Variants in RGS8 observed in about 807,000 individuals in gnomAD.
RGS8 encodes regulator of G protein signaling 8, also known as regulator of G-protein signaling 8.
Under a neutral mutation model 21.7 loss-of-function variants are expected in RGS8, and 8 were observed. The observed-to-expected ratio is 0.37, with a 90% CI of 0.22 to 0.66. The LOEUF is 0.66. Among genes scored for constraint, RGS8 ranks in the 30% least tolerant of loss-of-function variants. RGS8 has a pLI of 0.59. For synonymous variants in RGS8, 80 were observed against 83.6 expected, an observed-to-expected ratio of 0.96 and a Z score of 0.24; for missense variants, 157 against 217.9, an observed-to-expected ratio of 0.72 and a Z score of 1.76.
the RGS8 span, among the ~76,000 whole-genome samples, chr1:182,700,528 G>C: frequency 1.3e-5 from 2 of 152,290 alleles, no homozygotes; most frequent in South Asian, 2.1e-4. Flanking sequence ...AGACACCCCA[G>C]GTTCAGCCTC....
At chr1:182,671,917 T>TAAAAAA (rs1664183102) in exon 1 of RGS8, 1 of 1,454,822 alleles carries the variant, frequency 6.9e-7, no homozygotes, top group Non-Finnish European at 9.1e-7. Flanking sequence ...TCACATCCAG[T>TAAAAAA]AAATACTGAA....
At chr1:182,694,890 A>G in the RGS8 span, among the ~76,000 whole-genome samples, 2,041 of 152,288 alleles carry the variant, frequency 0.013, 57 homozygotes, top group African/African-American at 0.046. Flanking sequence ...TATGAAACAC[A>G]TAATTGCAGA....
At chr1:182,749,392 A>G in the RGS8 span, among the ~76,000 whole-genome samples, 1 of 152,136 alleles carries the variant, frequency 6.6e-6, no homozygotes, top group Admixed American at 6.6e-5. Flanking sequence ...AATGAGTTGG[A>G]TTTAAATGCA....
chr1:182,646,654 T>A, exon 7 of RGS8: 7 of 1,247,648 alleles, frequency 5.6e-6, no homozygotes, highest in East Asian at 2.5e-5. Flanking sequence ...TTTGAACACC[T>A]ATGACATTTC....
the RGS8 span, among the ~76,000 whole-genome samples, chr1:182,736,591 T>C: frequency 6.6e-6 from 1 of 152,178 alleles, no homozygotes; most frequent in Admixed American, 6.5e-5. Flanking sequence ...CACAAGCCAG[T>C]ATGAGATATG....
At chr1:182,645,925 T>G (rs1662681351), downstream of RGS8, 1 of 152,218 alleles carries the variant, frequency 6.6e-6, no homozygotes, top group Admixed American at 6.5e-5. Flanking sequence ...CCCCTTTGAA[T>G]AGAAGTCTAC....
the RGS8 span, among the ~76,000 whole-genome samples, chr1:182,699,433 CCAGGCCT>C: frequency 1.3e-5 from 2 of 152,234 alleles, no homozygotes; most frequent in Non-Finnish European, 2.9e-5. Flanking sequence ...TTCCCTGGGC[CCAGGCCT>C]CAGTGGCAGG....
At chr1:182,745,551 C>T in the RGS8 span, among the ~76,000 whole-genome samples, 297 of 152,318 alleles carry the variant, frequency 1.9e-3, 1 homozygote, top group African/African-American at 7.0e-3. Context: ...TATTTACAAT[C>T]ATTTCATAAT....
At chr1:182,667,738 G>A (rs1171547455) in intron 3 of RGS8, among the ~76,000 whole-genome samples, 1 of 152,062 alleles carries the variant, frequency 6.6e-6, no homozygotes, top group African/African-American at 2.4e-5. Context: ...ATGACATCAG[G>A]CACTTAAATA....
At chr1:182,688,465 G>A (rs375307971), upstream of RGS8, among the ~76,000 whole-genome samples, 16 of 152,264 alleles carry the variant, frequency 1.1e-4, no homozygotes, top group South Asian at 2.1e-4. Flanking sequence ...AAAAAGAGGC[G>A]AAGTGTTATA....
At chr1:182,691,427 T>C in the RGS8 span, among the ~76,000 whole-genome samples, 6 of 151,938 alleles carry the variant, frequency 3.9e-5, no homozygotes, top group Admixed American at 3.3e-4. Context: ...TCCAGCAGCA[T>C]GTCAAAAAAG....
intron 1 of RGS8, among the ~76,000 whole-genome samples, chr1:182,680,944 C>T (rs1422229059): frequency 1.3e-5 from 2 of 152,204 alleles, no homozygotes; most frequent in Non-Finnish European, 2.9e-5. Context: ...TCCAACTCTG[C>T]CCCTTTATGG....
At chr1:182,681,482 T>C (rs1664532857) in intron 1 of RGS8, among the ~76,000 whole-genome samples, 1 of 152,192 alleles carries the variant, frequency 6.6e-6, no homozygotes, top group South Asian at 2.1e-4. Context: ...TTTCATGTCC[T>C]CACTCCTAGC....
At chr1:182,711,125 G>A in the RGS8 span, among the ~76,000 whole-genome samples, 15 of 152,334 alleles carry the variant, frequency 9.8e-5, no homozygotes, top group African/African-American at 3.4e-4. Context: ...TGAAGTCACT[G>A]TCAGTCAAAA....
exon 7 of RGS8, chr1:182,646,595 C>T (rs968948857): frequency 9.8e-6 from 7 of 711,436 alleles, no homozygotes; most frequent in Non-Finnish European, 1.6e-5. Flanking sequence ...TTTGGAATGG[C>T]CCTTCATTCC....
chr1:182,663,316 G>T (rs1303040172), intron 5 of RGS8, among the ~76,000 whole-genome samples: 3 of 152,158 alleles, frequency 2.0e-5, no homozygotes, highest in African/African-American at 7.2e-5. Context: ...TCACAGGGGA[G>T]TACGTGTTCA....
chr1:182,679,982 A>T (rs1478334291), intron 1 of RGS8, among the ~76,000 whole-genome samples: 1 of 152,026 alleles, frequency 6.6e-6, no homozygotes, highest in Non-Finnish European at 1.5e-5. Context: ...ACCAATTACC[A>T]AATCATACTG....
At chr1:182,706,833 G>T in the RGS8 span, among the ~76,000 whole-genome samples, 1 of 152,134 alleles carries the variant, frequency 6.6e-6, no homozygotes, top group African/African-American at 2.4e-5. Context: ...AAATTCCCCT[G>T]AAGTGGTAAC....
At chr1:182,647,945 G>A (rs994250461) in intron 6 of RGS8, among the ~76,000 whole-genome samples, 192 bp downstream of exon 7, 3 of 152,172 alleles carry the variant, frequency 2.0e-5, no homozygotes, top group Non-Finnish European at 2.9e-5. Context: ...CACTCCTAAT[G>A]GAGCTCCTTT....
Sources: allele counts gnomAD v4.1 joint callset (sites outside exome capture counted in the v4.1 genomes callset), GRCh38; gene constraint gnomAD v4.1.1; transcripts MANE v1.5; gene names NCBI Gene and HGNC (gene_info 2026-07-23, HGNC 2026-07-21).